The following PDE11A variants were observed in gnomAD, a reference collection of about 807,000 sequenced individuals.
The protein encoded by PDE11A is dual 3',5'-cyclic-AMP and -GMP phosphodiesterase 11A.
In PDE11A, 100 loss-of-function variants were observed where a neutral mutation model predicts 100.5. The ratio of observed to expected loss-of-function variants is 1.00; its 90% CI spans 0.85 to 1.18. The LOEUF (loss-of-function observed/expected upper bound fraction) is 1.18. PDE11A is among the 50% of genes most tolerant of loss of function. The probability of loss-of-function intolerance (pLI) is 0.00; values close to 1 mark genes in which losing one functional copy is unlikely to be tolerated. For synonymous variants in PDE11A, 381 were observed against 420.8 expected (o/e 0.91, Z 1.16); for missense variants, 1,141 against 1,152.6 (o/e 0.99, Z 0.15).
intron 16 of PDE11A, among the ~76,000 whole-genome samples, chr2:177,678,183 G>A (rs1040471656): frequency 7.9e-5 from 12 of 152,078 alleles, no homozygotes; most frequent in Admixed American, 3.3e-4. Context: ...TACCATCACC[G>A]TGCTATCATT....
chr2:177,720,702 T>A (rs932026326), intron 12 of PDE11A, among the ~76,000 whole-genome samples: 8 of 152,194 alleles, frequency 5.3e-5, no homozygotes, highest in African/African-American at 1.7e-4. Flanking sequence ...GGGAACGGGA[T>A]AGTTTTGATT....
At chr2:177,935,848 C>A (rs1249603157) in intron 2 of PDE11A, among the ~76,000 whole-genome samples, 1 of 152,208 alleles carries the variant, frequency 6.6e-6, no homozygotes, top group East Asian at 1.9e-4. Flanking sequence ...AGCCCCAGCT[C>A]CCTATCTCCA....
chr2:177,824,855 C>A (rs1004099568), intron 6 of PDE11A, among the ~76,000 whole-genome samples: 2 of 152,016 alleles, frequency 1.3e-5, no homozygotes, highest in African/African-American at 4.8e-5. Flanking sequence ...GTGTACATGC[C>A]TATGGGTATA....
chr2:178,102,419 C>G (rs61516294), intron 2 of PDE11A, among the ~76,000 whole-genome samples: 13,776 of 147,818 alleles, frequency 0.093, 703 homozygotes, highest in Middle Eastern at 0.12. Context: ...GCCACCATGC[C>G]TGGTCTAAGT....
chr2:177,776,922 G>A (rs1403486432), intron 9 of PDE11A, among the ~76,000 whole-genome samples: 1 of 152,114 alleles, frequency 6.6e-6, no homozygotes, highest in Non-Finnish European at 1.5e-5. Context: ...GCATGGGGGG[G>A]CAGTTACCCT....
At chr2:177,689,905 C>T (rs750953413) in intron 15 of PDE11A, among the ~76,000 whole-genome samples, 1 of 152,176 alleles carries the variant, frequency 6.6e-6, no homozygotes, top group African/African-American at 2.4e-5. Flanking sequence ...CTAGAAGGAG[C>T]GCACTCCAGC....
intron 13 of PDE11A, among the ~76,000 whole-genome samples, chr2:177,704,289 C>T (rs2081245483): frequency 6.6e-6 from 1 of 152,160 alleles, no homozygotes; most frequent in Non-Finnish European, 1.5e-5. Flanking sequence ...TTTCTGCAAA[C>T]AAGGTGCCAT....
At chr2:178,033,790 C>T (rs776220270) in intron 1 of PDE11A, among the ~76,000 whole-genome samples, 1 of 152,136 alleles carries the variant, frequency 6.6e-6, no homozygotes, top group African/African-American at 2.4e-5. Context: ...GAATTTCATA[C>T]CCAGCCAAAC....
chr2:177,782,513 T>C (rs2082468187), intron 9 of PDE11A, among the ~76,000 whole-genome samples: 1 of 152,210 alleles, frequency 6.6e-6, no homozygotes, highest in Admixed American at 6.5e-5. Flanking sequence ...CCTAAACTCA[T>C]GAAATACTAT....
intron 1 of PDE11A, among the ~76,000 whole-genome samples, chr2:178,033,468 AACAC>A: frequency 6.6e-6 from 1 of 152,218 alleles, no homozygotes; most frequent in Non-Finnish European, 1.5e-5. Context: ...CAAGTTGGAA[AACAC>A]ACTTCAGGAT....
intron 2 of PDE11A, among the ~76,000 whole-genome samples, chr2:178,004,645 C>T (rs1269118188): frequency 6.6e-6 from 1 of 152,174 alleles, no homozygotes; most frequent in African/African-American, 2.4e-5. Flanking sequence ...GTTTATAAGA[C>T]AGTTCTTTGT....
At chr2:177,688,682 G>C (rs2080994280) in intron 15 of PDE11A, among the ~76,000 whole-genome samples, 1 of 152,186 alleles carries the variant, frequency 6.6e-6, no homozygotes, top group African/African-American at 2.4e-5. Flanking sequence ...TTTATAATCA[G>C]ATATGTTTTT....
At chr2:177,851,225 T>C (rs1223949176) in intron 5 of PDE11A, among the ~76,000 whole-genome samples, 1 of 152,142 alleles carries the variant, frequency 6.6e-6, no homozygotes, top group Non-Finnish European at 1.5e-5. Context: ...GATGAGTTCA[T>C]GTCCTTTGTA....
chr2:178,077,133 C>G (rs1432567825), upstream of PDE11A, among the ~76,000 whole-genome samples: 1 of 152,118 alleles, frequency 6.6e-6, no homozygotes, highest in Non-Finnish European at 1.5e-5. Flanking sequence ...CCAAGCACAT[C>G]AGTTGAGAGA....
chr2:177,772,514 T>G (rs897549444), intron 9 of PDE11A, among the ~76,000 whole-genome samples: 1 of 152,196 alleles, frequency 6.6e-6, no homozygotes, highest in Non-Finnish European at 1.5e-5. Context: ...TTTGTTTCAG[T>G]TTTACTGTGG....
chr2:177,809,206 G>A (rs1393242719), intron 9 of PDE11A, among the ~76,000 whole-genome samples: 8 of 152,250 alleles, frequency 5.3e-5, no homozygotes, highest in South Asian at 4.1e-4. Context: ...GCACAACAAC[G>A]TGAATGTACT....
chr2:177,800,289 C>A lies in PDE11A; in HGVS notation c.1737+16540G>T, dbSNP rs537730853. ...GGCTCAAGGGATCCTGCCACCTCAG[C>A]TTCCTGAGTAGCTGGGACTATAGGT... is the stretch of plus-strand genomic sequence containing the variant. On this transcript the variant is annotated intron_variant, in intron 9 of 19. Coordinates refer to ENST00000286063, the MANE Select transcript of PDE11A (RefSeq NM_016953.4). Among the ~76,000 whole-genome samples the A allele has an allele frequency of 2.6e-4, 40 of 152,052 alleles. 1 individual carries two copies. In the East Asian group the frequency reaches 5.4e-3, roughly 21 times the overall value.
intron 10 of PDE11A, among the ~76,000 whole-genome samples, chr2:177,738,744 C>T (rs992280723): frequency 1.3e-5 from 2 of 152,172 alleles, no homozygotes; most frequent in African/African-American, 2.4e-5. Flanking sequence ...CTTCCATATT[C>T]CATGGTGCTT....
chr2:178,076,777 C>T (rs560277329), upstream of PDE11A, among the ~76,000 whole-genome samples: 30 of 152,302 alleles, frequency 2.0e-4, no homozygotes, highest in African/African-American at 7.0e-4. Context: ...AGTGGTTCTT[C>T]TCTTTCACTT....
Sources: gnomAD v4.1 joint callset for allele counts (sites outside exome capture counted in the v4.1 genomes callset) on GRCh38, gnomAD v4.1.1 for gene constraint, MANE v1.5 for transcripts, NCBI Gene and HGNC (gene_info 2026-07-23, HGNC 2026-07-21) for gene names.